The following SPTLC3 variants were observed in gnomAD, a reference collection of about 807,000 sequenced individuals.
The protein encoded by SPTLC3 is serine palmitoyltransferase 3.
A neutral mutation model predicts 59.3 loss-of-function variants in SPTLC3; 36 were observed. That is an observed-to-expected ratio of 0.61 (90% CI 0.47 to 0.80). The LOEUF is 0.80. SPTLC3 is among the 30% of genes least tolerant of loss of function. SPTLC3 has a pLI of 0.00. For synonymous variants in SPTLC3, 257 were observed against 240.8 expected (o/e 1.07, Z -0.62); for missense variants, 625 against 685.1 (o/e 0.91, Z 0.98).
intron 6 of SPTLC3, among the ~76,000 whole-genome samples, chr20:13,095,701 A>T (rs1487964490): frequency 6.6e-6 from 1 of 152,072 alleles, no homozygotes; most frequent in Non-Finnish European, 1.5e-5. Context: ...GAGATATAAG[A>T]CCTAGAATCT....
At chr20:13,011,005 A>G (rs1223442759) in intron 1 of SPTLC3, among the ~76,000 whole-genome samples, 2 of 152,174 alleles carry the variant, frequency 1.3e-5, no homozygotes, top group East Asian at 3.8e-4. Context: ...CGAAAACATC[A>G]GGGCTGCTGT....
chr20:13,072,343 T>G lies in SPTLC3; in HGVS notation c.391T>G (p.Cys131Gly), dbSNP rs1325399646. Residue 131 changes from cysteine to glycine, a missense_variant, in exon 3 of 12, where the codon TGC becomes GGC. By Grantham distance (159) the Cys-to-Gly change is radical (BLOSUM62 -3). Transcript: ENST00000399002. ...RIRDNWNRPICSAPGPLFDLM... is the reference protein window; with the variant it reads ...RIRDNWNRPIGSAPGPLFDLM... ...CAGAGACAACTGGAACCGGCCCATC[T>G]GCAGTGCCCCAGGGCCTCTGTTTGA... 1.2e-6 allele frequency: 2 copies of G among 1,613,728 alleles called. No individual in the cohort carries two copies. Among genetic ancestry groups the G allele is most frequent in the Non-Finnish European group, 1.7e-6 (2 of 1,179,810 alleles).
At chr20:13,052,480 T>G (rs925847934) in intron 2 of SPTLC3, among the ~76,000 whole-genome samples, 2 of 151,796 alleles carry the variant, frequency 1.3e-5, no homozygotes, top group African/African-American at 4.8e-5. Context: ...CTGCAGGAGT[T>G]TTTTTGTTGT....
chr20:13,044,976 A>G (rs548534923), intron 1 of SPTLC3, among the ~76,000 whole-genome samples: 28 of 145,118 alleles, frequency 1.9e-4, no homozygotes, highest in African/African-American at 7.2e-4. Context: ...GCTCTACATT[A>G]TGGTCATTTG....
chr20:13,101,692 T>C (rs955992634), intron 6 of SPTLC3, among the ~76,000 whole-genome samples: 1 of 152,116 alleles, frequency 6.6e-6, no homozygotes, highest in African/African-American at 2.4e-5. Context: ...AATAATGAAA[T>C]TATTTTTCCC....
intron 2 of SPTLC3, 71 bp from the exon 3 acceptor site, chr20:13,072,185 C>T: frequency 6.7e-7 from 1 of 1,501,286 alleles, no homozygotes. Flanking sequence ...AGGTCTTCTT[C>T]CCTGCTTCAA....
At chr20:13,080,786 T>G (rs1365851374) in intron 4 of SPTLC3, among the ~76,000 whole-genome samples, 2 of 152,160 alleles carry the variant, frequency 1.3e-5, no homozygotes, top group Non-Finnish European at 2.9e-5. Context: ...ATTTTGTCTT[T>G]AAAAAATGAA....
chr20:13,009,197 G>C lies in SPTLC3; in HGVS notation c.-71G>C. On this transcript the variant is annotated 5_prime_UTR_variant, in exon 1 of 12. Transcript: ENST00000399002. Reference sequence around the variant, plus strand: ...CCAAAGAGCTTTATCCCATCCCCTCGCAGACTGAAAACTAAAGCCTGCAGA... The same window carrying C: ...CCAAAGAGCTTTATCCCATCCCCTCCCAGACTGAAAACTAAAGCCTGCAGA... The C allele has an allele frequency of 1.6e-6, 2 of 1,260,064 alleles. No homozygotes were observed. Among genetic ancestry groups the C allele is most frequent in the South Asian group, 2.5e-5 (2 of 79,888 alleles). 78.1% of individuals were successfully genotyped at this position (1,260,064 alleles called of 1,614,324 possible).
At chr20:13,014,140 C>A (rs1247583827) in intron 1 of SPTLC3, among the ~76,000 whole-genome samples, 4 of 152,198 alleles carry the variant, frequency 2.6e-5, no homozygotes, top group Non-Finnish European at 4.4e-5. Flanking sequence ...GTAGACAAAG[C>A]CAGTCATAGT....
chr20:13,161,568 G>A (rs2038897180), intron 11 of SPTLC3, among the ~76,000 whole-genome samples: 1 of 152,126 alleles, frequency 6.6e-6, no homozygotes, highest in Non-Finnish European at 1.5e-5. Context: ...GAGCAGTCAG[G>A]AAAGACATGT....
intron 6 of SPTLC3, among the ~76,000 whole-genome samples, chr20:13,095,376 G>A (rs189460268): frequency 2.5e-4 from 38 of 152,190 alleles, no homozygotes; most frequent in African/African-American, 5.3e-4. Context: ...ATTCTACTGC[G>A]TCAGTGCTCA....
At chr20:13,141,737 G>A (rs1471724447) in intron 9 of SPTLC3, among the ~76,000 whole-genome samples, 2 of 152,186 alleles carry the variant, frequency 1.3e-5, no homozygotes, top group African/African-American at 4.8e-5. Flanking sequence ...TTTCTAAATG[G>A]TTTCAGGCCC....
intron 7 of SPTLC3, among the ~76,000 whole-genome samples, chr20:13,112,482 G>A (rs749116291): frequency 8.5e-5 from 13 of 152,144 alleles, no homozygotes; most frequent in Admixed American, 1.3e-4. Flanking sequence ...GGCCAGCCCC[G>A]ATTCAAAAGA....
At chr20:13,108,645 GCTCAC>G in intron 6 of SPTLC3, among the ~76,000 whole-genome samples, 1 of 151,970 alleles carries the variant, frequency 6.6e-6, no homozygotes, top group East Asian at 1.9e-4. Flanking sequence ...TGTGATCTCG[GCTCAC>G]TGCAACATCC....
At chr20:13,013,225 C>T (rs555361244) in intron 1 of SPTLC3, among the ~76,000 whole-genome samples, 1 of 152,306 alleles carries the variant, frequency 6.6e-6, no homozygotes, top group East Asian at 1.9e-4. Context: ...CTATTCTCCC[C>T]ACCTTTCTAT....
intron 2 of SPTLC3, among the ~76,000 whole-genome samples, chr20:13,053,021 C>A (rs1367313093): frequency 6.6e-6 from 1 of 152,168 alleles, no homozygotes; most frequent in African/African-American, 2.4e-5. Context: ...AGCATATCTC[C>A]CAGCACAGCA....
rs537550498 is a variant in SPTLC3, at chr20:13,096,962, G to A, written c.826+3385G>A. On this transcript the variant is annotated intron_variant, in intron 6 of 11. Coordinates refer to ENST00000399002, the MANE Select transcript of SPTLC3 (RefSeq NM_018327.4). The stretch of plus-strand genomic sequence containing the variant: ...ATCTCAATTTTTCTATTCCAAAAAT[G>A]AGGATAATTATGATACACAAATAAT... 7.2e-5 allele frequency among the ~76,000 whole-genome samples: 11 copies of A among 152,148 alleles called. 1 individual carries two copies. The highest frequency in any genetic ancestry group is 2.6e-4 in the African/African-American group (11 of 41,516).
chr20:13,105,138 C>T (rs189093549), intron 6 of SPTLC3, among the ~76,000 whole-genome samples: 3 of 152,212 alleles, frequency 2.0e-5, no homozygotes, highest in Non-Finnish European at 2.9e-5. Context: ...CCTTGTAGAA[C>T]GACAGAGAAC....
chr20:13,162,719 C>T (rs1375843528), intron 11 of SPTLC3, among the ~76,000 whole-genome samples: 1 of 152,192 alleles, frequency 6.6e-6, no homozygotes, highest in Non-Finnish European at 1.5e-5. Flanking sequence ...CATTCTCTCG[C>T]CTTTCAGATA....
Sources: gnomAD v4.1 joint callset for allele counts (sites outside exome capture counted in the v4.1 genomes callset) on GRCh38, gnomAD v4.1.1 for gene constraint, MANE v1.5 for transcripts, NCBI Gene and HGNC (gene_info 2026-07-23, HGNC 2026-07-21) for gene names.